The following SEMA3A variants were observed in gnomAD, a reference collection of about 807,000 sequenced individuals.
The protein encoded by SEMA3A is semaphorin-3A.
A neutral mutation model predicts 97.9 loss-of-function variants in SEMA3A; 29 were observed. The ratio of observed to expected loss-of-function variants is 0.30; its 90% confidence interval spans 0.22 to 0.40. The LOEUF (loss-of-function observed/expected upper bound fraction) is 0.40. SEMA3A is among the 10% of genes least tolerant of loss of function. The probability of loss-of-function intolerance (pLI) is 1.00; values close to 1 mark genes in which losing one functional copy is unlikely to be tolerated. For missense variants in SEMA3A, 763 were observed against 951.3 expected, an observed-to-expected ratio of 0.80 and a Z score of 2.60; for synonymous variants, 321 against 323.7, an observed-to-expected ratio of 0.99 and a Z score of 0.09.
At chr7:84,422,159 G>C (rs548903234) in intron 1 of SEMA3A, among the ~76,000 whole-genome samples, 2 of 151,804 alleles carry the variant, frequency 1.3e-5, no homozygotes, top group East Asian at 1.9e-4. Context: ...GCTTTTTTTT[G>C]GTTGGTAGGC....
At chr7:84,057,966 A>T (rs1362839531) in intron 5 of SEMA3A, among the ~76,000 whole-genome samples, 1 of 151,948 alleles carries the variant, frequency 6.6e-6, no homozygotes. Context: ...CAGCTTAAAA[A>T]CCCATGGCAT....
At chr7:83,968,803 CCTT>C (rs1788811564) in intron 15 of SEMA3A, among the ~76,000 whole-genome samples, 1 of 123,396 alleles carries the variant, frequency 8.1e-6, no homozygotes, top group Non-Finnish European at 1.7e-5. Context: ...TCTTTTCTTT[CCTT>C]TTTTTTTTTT....
intron 4 of SEMA3A, among the ~76,000 whole-genome samples, chr7:84,097,524 C>G (rs1376487487): frequency 1.3e-5 from 2 of 151,992 alleles, no homozygotes; most frequent in African/African-American, 2.4e-5. Context: ...GATTTTAGAT[C>G]CCATTAGACT....
intron 4 of SEMA3A, among the ~76,000 whole-genome samples, chr7:84,108,795 C>T (rs1795190666): frequency 6.6e-6 from 1 of 151,706 alleles, no homozygotes; most frequent in Non-Finnish European, 1.5e-5. Flanking sequence ...ATCCCAGCTA[C>T]TTGGGAGGCT....
chr7:84,013,873 A>T (rs1316999779), intron 7 of SEMA3A, among the ~76,000 whole-genome samples: 1 of 152,154 alleles, frequency 6.6e-6, no homozygotes, highest in Non-Finnish European at 1.5e-5. Context: ...TTAAAAACTT[A>T]CAAGGTATAG....
intron 4 of SEMA3A, among the ~76,000 whole-genome samples, chr7:84,070,539 G>A (rs1332792042): frequency 6.6e-6 from 1 of 152,020 alleles, no homozygotes; most frequent in African/African-American, 2.4e-5. Flanking sequence ...GAAAAGAAAG[G>A]AAACCTTTAT....
At chr7:84,307,123 A>G (rs906293644) in intron 3 of SEMA3A, 4 of 152,150 alleles carry the variant, frequency 2.6e-5, no homozygotes, top group Non-Finnish European at 5.9e-5. Flanking sequence ...CTTATAAATT[A>G]TATGCCACAG....
At chr7:83,989,039 A>G (rs1789768310) in intron 12 of SEMA3A, among the ~76,000 whole-genome samples, 1 of 152,144 alleles carries the variant, frequency 6.6e-6, no homozygotes, top group Admixed American at 6.5e-5. Context: ...AAATTTTAGA[A>G]GAGTAAGGAA....
At chr7:84,235,735 A>T (rs1461272722) in intron 3 of SEMA3A, among the ~76,000 whole-genome samples, 2 of 152,072 alleles carry the variant, frequency 1.3e-5, no homozygotes, top group African/African-American at 4.8e-5. Context: ...TTATTATCCA[A>T]CCCAAGTACC....
At chr7:84,309,204 T>TG (rs1801251913) in intron 2 of SEMA3A, among the ~76,000 whole-genome samples, 1 of 151,962 alleles carries the variant, frequency 6.6e-6, no homozygotes, top group Non-Finnish European at 1.5e-5. Flanking sequence ...TATACAAAAG[T>TG]GAAAGATAAA....
chr7:84,373,876 A>G (rs1407624947), intron 1 of SEMA3A, among the ~76,000 whole-genome samples: 1 of 152,230 alleles, frequency 6.6e-6, no homozygotes, highest in African/African-American at 2.4e-5. Context: ...ATTCATTAAC[A>G]TTAGTATTTA....
At chr7:84,091,802 A>T (rs1485855352) in intron 4 of SEMA3A, among the ~76,000 whole-genome samples, 1 of 152,212 alleles carries the variant, frequency 6.6e-6, no homozygotes, top group African/African-American at 2.4e-5. Context: ...GAGTTTAAAT[A>T]GAGCCAGTTT....
chr7:84,442,449 T>C (rs1471653052), intron 1 of SEMA3A, among the ~76,000 whole-genome samples: 1 of 151,684 alleles, frequency 6.6e-6, no homozygotes, highest in African/African-American at 2.4e-5. Context: ...ATTATAACAA[T>C]ACAGAAGTTA....
chr7:84,168,626 C>G (rs879853413), intron 1 of SEMA3A, among the ~76,000 whole-genome samples: 7 of 151,564 alleles, frequency 4.6e-5, no homozygotes, highest in African/African-American at 1.5e-4. Flanking sequence ...TTTTATTCAA[C>G]CTAGAGAGAA....
At chr7:84,150,545 C>T (rs561475522) in intron 1 of SEMA3A, among the ~76,000 whole-genome samples, 5 of 152,120 alleles carry the variant, frequency 3.3e-5, no homozygotes, top group Admixed American at 2.6e-4. Context: ...GCTTAAAAAA[C>T]GGCGCATCAC....
chr7:84,100,674 T>G (rs17158607), intron 4 of SEMA3A, among the ~76,000 whole-genome samples: 7,368 of 152,178 alleles, frequency 0.048, 223 homozygotes, highest in African/African-American at 0.083. Flanking sequence ...TTACAATCAA[T>G]ATTAGAAAAT....
At chr7:84,347,741 G>A (rs1802336921) in intron 2 of SEMA3A, among the ~76,000 whole-genome samples, 1 of 152,020 alleles carries the variant, frequency 6.6e-6, no homozygotes, top group East Asian at 1.9e-4. Flanking sequence ...AAAGAAGACA[G>A]CCACAACAGA....
chr7:84,192,758 G>A (rs1798089167), intron 1 of SEMA3A, among the ~76,000 whole-genome samples: 1 of 151,778 alleles, frequency 6.6e-6, no homozygotes, highest in Non-Finnish European at 1.5e-5. Context: ...AATGAATTTA[G>A]CACTTAGATA....
intron 3 of SEMA3A, among the ~76,000 whole-genome samples, chr7:84,250,666 A>AT (rs888768250): frequency 2.6e-5 from 4 of 152,036 alleles, no homozygotes; most frequent in Non-Finnish European, 4.4e-5. Flanking sequence ...AGCCAATGTA[A>AT]TTTTTTTTAA....
Sources: gnomAD v4.1 joint callset for allele counts (sites outside exome capture counted in the v4.1 genomes callset) on GRCh38, gnomAD v4.1.1 for gene constraint, MANE v1.5 for transcripts, NCBI Gene and HGNC (gene_info 2026-07-23, HGNC 2026-07-21) for gene names.